FGF12: variants seen among roughly 807,000 people sequenced by gnomAD.
The protein encoded by FGF12 is fibroblast growth factor 12, also known as fibroblast growth factor 12B.
In FGF12, 14 loss-of-function variants were observed where a neutral mutation model predicts 23.6. The observed-to-expected ratio is 0.59, with a 90% confidence interval of 0.39 to 0.93. The LOEUF is 0.93. Among genes scored for constraint, FGF12 ranks in the 40% least tolerant of loss-of-function variants. The pLI is 0.00. For missense variants in FGF12, 175 were observed against 217.8 expected (o/e 0.80, Z 1.24); for synonymous variants, 62 against 77.3 (o/e 0.80, Z 1.04).
chr3:192,348,377 A>G (rs1161208214), intron 3 of FGF12, among the ~76,000 whole-genome samples: 5 of 152,172 alleles, frequency 3.3e-5, no homozygotes. Flanking sequence ...CACACATCCT[A>G]CACACCTCAA....
intron 2 of FGF12, among the ~76,000 whole-genome samples, chr3:192,430,224 T>G (rs1721820330): frequency 6.6e-6 from 1 of 151,942 alleles, no homozygotes; most frequent in South Asian, 2.1e-4. Context: ...TCACTATGGA[T>G]GAACTTGAGG....
chr3:192,167,763 ATATATAAAATT>A (rs1281636228), intron 5 of FGF12, among the ~76,000 whole-genome samples: 23 of 32,184 alleles, frequency 7.1e-4, no homozygotes, highest in South Asian at 1.7e-3. Flanking sequence ...ATATATATAT[ATATATAAAATT>A]TTTTTTTTTT....
At chr3:192,661,593 A>C (rs1716674118) in intron 2 of FGF12, among the ~76,000 whole-genome samples, 3 of 152,222 alleles carry the variant, frequency 2.0e-5, no homozygotes. Flanking sequence ...AAGATATGAA[A>C]GGGAAGATAA....
At chr3:192,446,237 T>C (rs1722350628) in intron 2 of FGF12, among the ~76,000 whole-genome samples, 1 of 152,178 alleles carries the variant, frequency 6.6e-6, no homozygotes, top group South Asian at 2.1e-4. Context: ...TTAGCACAAA[T>C]ACAGGGAAAT....
intron 2 of FGF12, among the ~76,000 whole-genome samples, chr3:192,709,121 A>T (rs1718582437): frequency 6.6e-6 from 1 of 152,220 alleles, no homozygotes; most frequent in African/African-American, 2.4e-5. Flanking sequence ...GTAAACACAG[A>T]AATGTCTCAA....
intron 2 of FGF12, among the ~76,000 whole-genome samples, chr3:192,552,928 A>G (rs1028125802): frequency 6.6e-6 from 1 of 152,114 alleles, no homozygotes; most frequent in African/African-American, 2.4e-5. Context: ...CCAAAAAAAA[A>G]GAAAAAAATA....
chr3:192,281,897 A>G (rs1162906812), intron 4 of FGF12, among the ~76,000 whole-genome samples: 2 of 152,156 alleles, frequency 1.3e-5, no homozygotes, highest in Admixed American at 1.3e-4. Context: ...AGATGCTAGT[A>G]TGAAAATGTC....
intron 4 of FGF12, among the ~76,000 whole-genome samples, chr3:192,322,027 T>G (rs1050185217): frequency 4.6e-5 from 7 of 151,948 alleles, no homozygotes; most frequent in African/African-American, 1.7e-4. Flanking sequence ...AGAAGTAAAA[T>G]TATCTTTGTT....
At chr3:192,283,780 G>A (rs558786445) in intron 4 of FGF12, among the ~76,000 whole-genome samples, 3 of 152,138 alleles carry the variant, frequency 2.0e-5, no homozygotes, top group Non-Finnish European at 4.4e-5. Flanking sequence ...GTGGGAGAGT[G>A]GTCAGTCGGG....
At chr3:192,676,209 T>C (rs1046621006) in intron 2 of FGF12, among the ~76,000 whole-genome samples, 1 of 152,200 alleles carries the variant, frequency 6.6e-6, no homozygotes, top group African/African-American at 2.4e-5. Flanking sequence ...GAGCAACCCC[T>C]GGCCCAGCTC....
In FGF12 at chr3:192,465,360, CAT is replaced by C. The variant is rs199607843; in HGVS notation, c.14-104824_14-104823del. ...CAATCAGGTAAAAGTTGAGAATTAA[CAT>C]ATGGATATAAGGTGAATACATGAAT... On this transcript the variant is annotated intron_variant, in intron 2 of 5. Transcript: ENST00000445105. Among the ~76,000 whole-genome samples the C allele has an allele frequency of 6.7e-3, 1,013 of 152,260 alleles. 6 individuals carry two copies. The highest frequency in any genetic ancestry group is 0.017 in the Middle Eastern group (5 of 294).
At chr3:192,401,990 G>A (rs1046883961) in intron 2 of FGF12, among the ~76,000 whole-genome samples, 2 of 152,148 alleles carry the variant, frequency 1.3e-5, no homozygotes, top group Non-Finnish European at 2.9e-5. Context: ...TTACAAATCA[G>A]CAAACTGAGG....
chr3:192,144,077 GC>G lies in FGF12; in HGVS notation c.477del (p.Arg160ValfsTer11), dbSNP rs1713557805. On this transcript the variant is annotated frameshift_variant, in exon 6 of 6. Coordinates refer to ENST00000445105, the MANE Select transcript of FGF12 (RefSeq NM_004113.6). LOFTEE classifies it high-confidence loss of function. ...GGTGTTCCAGAACTTTTCCTTGAAC[GC>G]CCTTGTTTTTCTCCAATTTCATGTA... ...PSLHEIGEKQGRSRKSSGTPT... is the reference protein window; with the variant it reads ...PSLHEIGEKQXRSRKSSGTPT... 1 of 1,613,532 alleles carries G rather than the reference GC, an allele frequency of 6.2e-7. No homozygotes were observed. Among genetic ancestry groups the G allele is most frequent in the Non-Finnish European group, 8.5e-7 (1 of 1,179,636 alleles).
At chr3:192,530,461 G>C (rs1216738131) in intron 2 of FGF12, among the ~76,000 whole-genome samples, 1 of 152,144 alleles carries the variant, frequency 6.6e-6, no homozygotes, top group Non-Finnish European at 1.5e-5. Context: ...AACTCTACCA[G>C]TAATAATCCT....
At chr3:192,647,770 CTATA>C (rs1716069664) in intron 2 of FGF12, among the ~76,000 whole-genome samples, 1 of 149,570 alleles carries the variant, frequency 6.7e-6, no homozygotes, top group African/African-American at 2.5e-5. Flanking sequence ...TATACACACA[CTATA>C]TATATACACA....
intron 2 of FGF12, among the ~76,000 whole-genome samples, chr3:192,587,607 G>C (rs149314344): frequency 1.3e-5 from 2 of 151,958 alleles, no homozygotes; most frequent in East Asian, 3.9e-4. Flanking sequence ...GTGGAGCCCA[G>C]AAATTTGAGA....
intron 3 of FGF12, among the ~76,000 whole-genome samples, chr3:192,341,101 A>G (rs1175463820): frequency 6.6e-6 from 1 of 152,166 alleles, no homozygotes; most frequent in African/African-American, 2.4e-5. Context: ...AGAAACTCCT[A>G]TGACTCAAAA....
chr3:192,542,600 A>T (rs1162873025), intron 2 of FGF12, among the ~76,000 whole-genome samples: 1 of 151,694 alleles, frequency 6.6e-6, no homozygotes, highest in Non-Finnish European at 1.5e-5. Context: ...TTGGGTATTT[A>T]TTGTAGTCTT....
intron 2 of FGF12, among the ~76,000 whole-genome samples, chr3:192,623,143 T>A (rs1715036870): frequency 6.6e-6 from 1 of 152,174 alleles, no homozygotes; most frequent in African/African-American, 2.4e-5. Flanking sequence ...AGAAATAACA[T>A]GGTCTTTGTC....
Sources: gnomAD v4.1 joint callset for allele counts (sites outside exome capture counted in the v4.1 genomes callset) on GRCh38, gnomAD v4.1.1 for gene constraint, MANE v1.5 for transcripts, NCBI Gene and HGNC (gene_info 2026-07-23, HGNC 2026-07-21) for gene names.